Variants in COL4A2 observed in about 807,000 individuals in gnomAD.
The protein encoded by COL4A2 is collagen type IV alpha 2 chain.
In COL4A2, 99 loss-of-function variants were observed where a neutral mutation model predicts 200.2. That is an observed-to-expected ratio of 0.49 (90% CI 0.42 to 0.58). The LOEUF is 0.58. COL4A2 is among the 20% of genes least tolerant of loss of function. The pLI is 0.00. For missense variants in COL4A2, 1,950 were observed against 2,314.1 expected, an observed-to-expected ratio of 0.84 and a Z score of 3.23; for synonymous variants, 897 against 900.6, an observed-to-expected ratio of 1.00 and a Z score of 0.07.
rs541545300 is a variant in COL4A2 at position 110,393,581 on chromosome 13, A to AG, written c.181-31150dup. ...ATTTTAAGAGAATCCCACTATAAAGAGGGAAAAAAAAAAAAGGCCAGGCCC... is the reference window on the plus strand; with the variant it reads ...ATTTTAAGAGAATCCCACTATAAAGAGGGGAAAAAAAAAAAAGGCCAGGCCC... On this transcript the variant is annotated intron_variant, in intron 4 of 47. Coordinates refer to ENST00000360467, the MANE Select transcript of COL4A2 (RefSeq NM_001846.4). 2.1e-3 allele frequency among the ~76,000 whole-genome samples: 323 copies of AG among 151,540 alleles called. 2 individuals carry two copies. The highest frequency in any genetic ancestry group is 7.5e-3 in the African/African-American group (311 of 41,216).
chr13:110,385,794 T>C (rs1445759909), intron 4 of COL4A2, among the ~76,000 whole-genome samples: 21 of 54,732 alleles, frequency 3.8e-4, no homozygotes, highest in African/African-American at 6.0e-4. Flanking sequence ...GGTTGCAGTG[T>C]GTGGATAGGC....
In COL4A2 at chr13:110,492,056, G is replaced by A. The variant is rs369510198; in HGVS notation, c.3455-14G>A. Reference sequence around the variant, plus strand: ...GTCCTGTGTGCTCAGACTTAATGCTGTGTTCACCCCCAGGCTTTCCAGGGC... The same window carrying A: ...GTCCTGTGTGCTCAGACTTAATGCTATGTTCACCCCCAGGCTTTCCAGGGC... On this transcript the variant is annotated splice_polypyrimidine_tract_variant and intron_variant, in intron 37 of 47. Transcript: ENST00000360467. 123 of 1,550,040 alleles carry A rather than the reference G, an allele frequency of 7.9e-5. No individual in the cohort carries two copies. The highest frequency in any genetic ancestry group is 1.0e-4 in the Non-Finnish European group (118 of 1,146,160).
chr13:110,441,830 C>A (rs544001023), intron 16 of COL4A2, among the ~76,000 whole-genome samples: 1 of 151,718 alleles, frequency 6.6e-6, no homozygotes, highest in South Asian at 2.1e-4. Flanking sequence ...CCTGTAATCC[C>A]AGCAGTTTGG....
intron 4 of COL4A2, among the ~76,000 whole-genome samples, chr13:110,410,340 TG>T (rs1879783114): frequency 6.6e-6 from 1 of 152,234 alleles, no homozygotes. Context: ...CACGGTCAAA[TG>T]TATGTTTAGA....
chr13:110,390,683 T>A (rs1025589755), intron 4 of COL4A2, among the ~76,000 whole-genome samples: 5 of 152,216 alleles, frequency 3.3e-5, no homozygotes, highest in Non-Finnish European at 5.9e-5. Flanking sequence ...ACTTCCTTGA[T>A]GTTAATTCTA....
At chr13:110,373,940 G>A (rs1015682952) in intron 4 of COL4A2, among the ~76,000 whole-genome samples, 19 of 152,206 alleles carry the variant, frequency 1.2e-4, no homozygotes, top group Non-Finnish European at 7.3e-5. Flanking sequence ...CTGTGCAGCC[G>A]TGGCCAGTTT....
intron 26 of COL4A2, 141 bp from the exon 27 acceptor site, chr13:110,466,899 G>A: frequency 2.0e-6 from 2 of 1,020,946 alleles, no homozygotes; most frequent in Admixed American, 2.4e-5. Context: ...GAACCAAGAT[G>A]AATTAAATCA....
At chr13:110,405,463 G>C (rs936518527) in intron 4 of COL4A2, among the ~76,000 whole-genome samples, 7 of 151,608 alleles carry the variant, frequency 4.6e-5, no homozygotes, top group Admixed American at 3.9e-4. Context: ...GCCCCTTCTG[G>C]CTTTCTGCTC....
chr13:110,327,835 T>TC (rs1468902465), intron 3 of COL4A2, among the ~76,000 whole-genome samples: 2 of 152,234 alleles, frequency 1.3e-5, no homozygotes, highest in Non-Finnish European at 2.9e-5. Context: ...TTTTAAAACT[T>TC]AACGCTTGAA....
chr13:110,452,566 G>C (rs7994073), intron 20 of COL4A2, among the ~76,000 whole-genome samples: 12 of 152,036 alleles, frequency 7.9e-5, no homozygotes, highest in Non-Finnish European at 1.3e-4. Flanking sequence ...CTATTTAAAA[G>C]GTAGTAGTCA....
chr13:110,478,158 C>G lies in COL4A2; in HGVS notation c.2581C>G (p.Arg861Gly). 6.3e-7 allele frequency: 1 copy of G among 1,590,706 alleles called. No individual in the cohort carries two copies. The highest frequency in any genetic ancestry group is 1.1e-5 in the South Asian group (1 of 87,950). The stretch of plus-strand genomic sequence containing the variant: ...CTTGGGGCTGCCAGGAATCCCAGGC[C>G]GTGAAGGTAAGACCCCAGCCCTCCC... ...GPLGLPGIPG[R>G]EGLPGDRGDP... The change falls in exon 30 of 48, where the codon CGT becomes GGT. Residue 861 changes from arginine to glycine, a missense_variant. Physicochemically the swap from Arg to Gly is moderately radical, Grantham distance 125. Coordinates refer to ENST00000360467, the MANE Select transcript of COL4A2 (RefSeq NM_001846.4).
In COL4A2 at chr13:110,466,956, G is replaced by A. The variant is rs1882264618; in HGVS notation, c.2039-84G>A. The A allele has an allele frequency of 3.2e-6, 5 of 1,570,306 alleles. No individual in the cohort carries two copies. In the South Asian group the frequency reaches 5.6e-5, roughly 18 times the overall value. ...ATGGTAGCCGGTTTGCACAGCTCGT[G>A]CTTTTGCCCTTGGGGATCCCCAAGG... is the stretch of plus-strand genomic sequence containing the variant. On this transcript the variant is annotated intron_variant, in intron 26 of 47. Coordinates refer to ENST00000360467, the MANE Select transcript of COL4A2 (RefSeq NM_001846.4).
rs182961750 is a variant in COL4A2, at chr13:110,510,709, G to A, written c.4882-1225G>A. ...TGTGCATGTATGCATGTGTGTGTGC[G>A]CAGCAAACTCAGCTCTTACCTGGCT... On this transcript the variant is annotated intron_variant, in intron 47 of 47. Coordinates refer to ENST00000360467, the MANE Select transcript of COL4A2 (RefSeq NM_001846.4). Among the ~76,000 whole-genome samples the A allele has an allele frequency of 2.4e-3, 361 of 152,326 alleles. 1 individual carries two copies. Among genetic ancestry groups the A allele is most frequent in the Non-Finnish European group, 3.7e-3 (249 of 68,034 alleles).
chr13:110,498,894 C>T (rs949113079), intron 40 of COL4A2, among the ~76,000 whole-genome samples: 6 of 152,228 alleles, frequency 3.9e-5, no homozygotes, highest in Admixed American at 3.3e-4. Context: ...TTCCAAGCCA[C>T]CGTGCGGCAT....
intron 16 of COL4A2, among the ~76,000 whole-genome samples, chr13:110,443,814 G>C (rs1289861471): frequency 1.3e-5 from 2 of 152,162 alleles, no homozygotes; most frequent in African/African-American, 2.4e-5. Flanking sequence ...CTGACTCTGG[G>C]AGCGCCTGGG....
Position 110,508,173 on chromosome 13 carries a change from C to T in COL4A2, c.4833C>T (p.His1611=), listed in dbSNP as rs747748201. The T allele has an allele frequency of 4.3e-6, 7 of 1,614,284 alleles. No homozygotes were observed. Among genetic ancestry groups the T allele is most frequent in the Non-Finnish European group, 3.4e-6 (4 of 1,180,050 alleles). Residue 1611 remains histidine (H), a synonymous_variant, in exon 47 of 48, where the codon CAC becomes CAT. Transcript: ENST00000360467. The surrounding 1 kb of genome is among the most constrained non-coding windows in gnomAD (Gnocchi z 6.1). The part of the protein sequence containing the change: ...AVHSQDVSIP[H]CPAGWRSLWI... ...ACAGTCAGGATGTCTCCATCCCACA[C>T]TGCCCAGCTGGGTGGCGGAGTTTGT... is the stretch of plus-strand genomic sequence containing the variant.
intron 37 of COL4A2, 98 bp from the exon 38 acceptor site, chr13:110,491,972 C>T (rs1182220719): frequency 1.8e-5 from 19 of 1,047,750 alleles, no homozygotes; most frequent in East Asian, 8.0e-5. Flanking sequence ...TTCCGGCCCT[C>T]GGCCCCTCCC....
chr13:110,308,472 G>C (rs1884871500), intron 3 of COL4A2, among the ~76,000 whole-genome samples: 1 of 152,152 alleles, frequency 6.6e-6, no homozygotes, highest in Admixed American at 6.5e-5. Flanking sequence ...GAGACGCCAG[G>C]CTTAGGGCGA....
chr13:110,405,327 C>T (rs1397313951), intron 4 of COL4A2, among the ~76,000 whole-genome samples: 1 of 152,000 alleles, frequency 6.6e-6, no homozygotes, highest in Admixed American at 6.6e-5. Flanking sequence ...TGTGGAGGTT[C>T]GGGAAGGGTG....
Sources: allele counts gnomAD v4.1 joint callset (sites outside exome capture counted in the v4.1 genomes callset), GRCh38; gene constraint gnomAD v4.1.1; non-coding constraint Gnocchi (gnomAD v3.1); transcripts MANE v1.5; gene names NCBI Gene and HGNC (gene_info 2026-07-23, HGNC 2026-07-21).